PSMD12: variants seen among roughly 807,000 people sequenced by gnomAD.
The protein encoded by PSMD12 is proteasome 26S subunit, non-ATPase 12.
A neutral mutation model predicts 62.9 loss-of-function variants in PSMD12; 8 were observed. That is an observed-to-expected ratio of 0.13 (90% CI 0.07 to 0.23). The LOEUF (loss-of-function observed/expected upper bound fraction) is 0.23, where lower values mean the gene tolerates loss of function less well. Ranked by LOEUF, PSMD12 falls within the 10% of genes least tolerant of loss-of-function variation. The pLI, the probability that PSMD12 is intolerant of heterozygous loss-of-function variation, is 1.00. For missense variants in PSMD12, 424 were observed against 550.2 expected, an observed-to-expected ratio of 0.77 and a Z score of 2.29; for synonymous variants, 173 against 187.4, an observed-to-expected ratio of 0.92 and a Z score of 0.63.
intron 3 of PSMD12, among the ~76,000 whole-genome samples, chr17:67,353,400 G>A (rs1456069204): frequency 6.6e-6 from 1 of 151,788 alleles, no homozygotes; most frequent in South Asian, 2.1e-4. Context: ...TCCGCCTCCT[G>A]GGGTTCAAGC....
Position 67,348,573 on chromosome 17 carries a change from C to T in PSMD12, c.487G>A (p.Ala163Thr), listed in dbSNP as rs1244982541. The T allele has an allele frequency of 1.2e-6, 2 of 1,613,736 alleles. No homozygotes were observed. Among genetic ancestry groups the T allele is most frequent in the Admixed American group, 1.7e-5 (1 of 60,006 alleles). ...KEQNGDVKEA[A>T]SILQELQVET... is the part of the protein sequence containing the mutation. ...ACCTGTAACTCCTGTAAAATGGAGG[C>T]TGCCTCTTTCACATCACCATTTTGT... Residue 163 changes from alanine (A) to threonine (T), a missense_variant, in exon 5 of 11, where the codon GCC (alanine) becomes ACC (threonine). Coordinates refer to ENST00000356126, the MANE Select transcript of PSMD12 (RefSeq NM_002816.5).
chr17:67,355,767 A>G (rs898897905), intron 3 of PSMD12, among the ~76,000 whole-genome samples: 1 of 152,160 alleles, frequency 6.6e-6, no homozygotes, highest in African/African-American at 2.4e-5. Flanking sequence ...TCACCAAAAC[A>G]CTAAAAGAGA....
At chr17:67,344,353 T>C (rs1278934328) in intron 9 of PSMD12, among the ~76,000 whole-genome samples, 1 of 151,994 alleles carries the variant, frequency 6.6e-6, no homozygotes, top group East Asian at 1.9e-4. Context: ...CCAAGATGAG[T>C]GAGATACATT....
At position 67,338,557 on chromosome 17, in the gene PSMD12, GA is replaced by G. The variant is rs1169336046; in HGVS notation, c.*2285del. On this transcript the variant is annotated 3_prime_UTR_variant, in exon 11 of 11. Coordinates refer to ENST00000356126, the MANE Select transcript of PSMD12 (RefSeq NM_002816.5). ...CACAAAGAGCCTAGTGTGTGTTAAAGAAAGACGAAAGAGGAGTTGGGTGCAG... is the reference window on the plus strand; with the variant it reads ...CACAAAGAGCCTAGTGTGTGTTAAAGAAGACGAAAGAGGAGTTGGGTGCAG... 2.0e-5 allele frequency: 3 copies of G among 152,234 alleles called. No homozygotes were observed. The highest frequency in any genetic ancestry group is 2.0e-4 in the Admixed American group (3 of 15,290). 9.4% of individuals were successfully genotyped at this position (152,234 alleles called of 1,614,324 possible).
At chr17:67,346,126 T>C (rs9303517) in intron 7 of PSMD12, among the ~76,000 whole-genome samples, 122,547 of 151,896 alleles carry the variant, frequency 0.81, 50,070 homozygotes, top group Middle Eastern at 0.88. Context: ...GGCACGGTGG[T>C]TCACGCCTAT....
intron 8 of PSMD12, among the ~76,000 whole-genome samples, chr17:67,345,298 A>C (rs1309251607): frequency 6.6e-6 from 1 of 152,214 alleles, no homozygotes; most frequent in Non-Finnish European, 1.5e-5. Context: ...CCACCACGTT[A>C]TCCTCTCTAG....
intron 1 of PSMD12, among the ~76,000 whole-genome samples, chr17:67,359,025 A>G (rs1261246981): frequency 6.6e-6 from 1 of 152,202 alleles, no homozygotes; most frequent in Non-Finnish European, 1.5e-5. Context: ...GGAACCACAC[A>G]TTTTGATAAA....
At chr17:67,341,349 G>C (rs1433898011) in intron 10 of PSMD12, among the ~76,000 whole-genome samples, 1 of 151,258 alleles carries the variant, frequency 6.6e-6, no homozygotes, top group African/African-American at 2.4e-5. Flanking sequence ...CACGCCTGTA[G>C]TCCCAGCTAC....
chr17:67,356,567 AAAAAAAAAAAAAAAAAAAAG>A (rs1188470074), intron 3 of PSMD12, among the ~76,000 whole-genome samples: 1 of 138,960 alleles, frequency 7.2e-6, no homozygotes, highest in Non-Finnish European at 1.6e-5. Flanking sequence ...CAAAAAAAAA[AAAAAAAAAAAAAAAAAAAAG>A]AAAATGAAAT....
chr17:67,352,080 CAAAAAA>C (rs566803266), intron 3 of PSMD12, among the ~76,000 whole-genome samples: 1 of 107,744 alleles, frequency 9.3e-6, no homozygotes, highest in African/African-American at 3.4e-5. Flanking sequence ...GAATCTCTCT[CAAAAAA>C]AAAAAAAAAA....
chr17:67,358,601 G>GA (rs1048620776), intron 1 of PSMD12, among the ~76,000 whole-genome samples: 4 of 122,018 alleles, frequency 3.3e-5, no homozygotes, highest in South Asian at 2.7e-4. Context: ...AGAAAAAAAA[G>GA]AAAAAAAAAG....
chr17:67,361,891 AAAAAAAAAAAAAAAAAAAGG>A (rs2042132044), intron 1 of PSMD12, among the ~76,000 whole-genome samples: 2 of 132,794 alleles, frequency 1.5e-5, no homozygotes, highest in Non-Finnish European at 3.3e-5. Flanking sequence ...AAAAAAAAAA[AAAAAAAAAAAAAAAAAAAGG>A]AAGGAAGGAA....
At position 67,353,292 on chromosome 17, in the gene PSMD12, T is replaced by C. The variant is rs572212544; in HGVS notation, c.298-2956A>G. Among the ~76,000 whole-genome samples, 1,264 of 152,112 alleles carry C rather than the reference T, an allele frequency of 8.3e-3. 17 individuals are homozygous for C. The highest frequency in any genetic ancestry group is 0.028 in the African/African-American group (1,173 of 41,494). On this transcript the variant is annotated intron_variant, in intron 3 of 10. Transcript: ENST00000356126. ...GAAAAGGTTATTTCCTTCCTTCCTT[T>C]CCTTCCCTTCCTCCTTCCCCCCGCT...
chr17:67,347,944 A>G (rs1418771847), intron 5 of PSMD12, among the ~76,000 whole-genome samples: 1 of 152,210 alleles, frequency 6.6e-6, no homozygotes, highest in East Asian at 1.9e-4. Context: ...GATTCACTCA[A>G]GTTATACATC....
At chr17:67,352,099 A>AC (rs986864343) in intron 3 of PSMD12, among the ~76,000 whole-genome samples, 3 of 148,212 alleles carry the variant, frequency 2.0e-5, no homozygotes, top group African/African-American at 5.1e-5. Flanking sequence ...AAAAAAAAAA[A>AC]TTTTTTTTAA....
chr17:67,359,762 C>A (rs886536734), intron 1 of PSMD12, among the ~76,000 whole-genome samples: 3 of 152,020 alleles, frequency 2.0e-5, no homozygotes, highest in Non-Finnish European at 2.9e-5. Context: ...TTGGAGAGCC[C>A]TAGTTCTCCT....
intron 9 of PSMD12, among the ~76,000 whole-genome samples, chr17:67,344,245 T>C (rs1436700063): frequency 6.6e-6 from 1 of 152,206 alleles, no homozygotes; most frequent in African/African-American, 2.4e-5. Context: ...CTGTCTGGTT[T>C]ATATACTATA....
At chr17:67,341,155 G>C in intron 10 of PSMD12, 103 bp from the exon 11 acceptor site, 2 of 887,536 alleles carry the variant, frequency 2.3e-6, no homozygotes, top group Non-Finnish European at 3.4e-6. Context: ...AGAATATGCA[G>C]GGGAATTCAT....
intron 1 of PSMD12, among the ~76,000 whole-genome samples, chr17:67,357,821 A>G (rs994255335): frequency 2.0e-5 from 3 of 152,228 alleles, no homozygotes; most frequent in Non-Finnish European, 4.4e-5. Flanking sequence ...TTAAATGCCT[A>G]AGAGAAACTG....
Sources: gnomAD v4.1 joint callset for allele counts (sites outside exome capture counted in the v4.1 genomes callset) on GRCh38, gnomAD v4.1.1 for gene constraint, MANE v1.5 for transcripts, NCBI Gene and HGNC (gene_info 2026-07-23, HGNC 2026-07-21) for gene names.